The following TBC1D16 variants were observed in gnomAD, a reference collection of about 807,000 sequenced individuals.
TBC1D16 encodes TBC1 domain family member 16.
In TBC1D16, 58 loss-of-function variants were observed where a neutral mutation model predicts 74.7. That is an observed-to-expected ratio of 0.78 (90% CI 0.63 to 0.97). The LOEUF (loss-of-function observed/expected upper bound fraction) is 0.97. Ranked by LOEUF, TBC1D16 falls within the 50% of genes least tolerant of loss-of-function variation. TBC1D16 has a pLI of 0.00. For synonymous variants in TBC1D16, 493 were observed against 474.7 expected, an observed-to-expected ratio of 1.04 and a Z score of -0.50; for missense variants, 1,014 against 1,079.5, an observed-to-expected ratio of 0.94 and a Z score of 0.85.
Position 79,947,845 on chromosome 17 carries a change from G to C in TBC1D16, c.1542-14C>G, listed in dbSNP as rs746141119. 1 of 1,610,464 alleles carries C rather than the reference G, an allele frequency of 6.2e-7. No homozygotes were observed. Among genetic ancestry groups the C allele is most frequent in the South Asian group, 1.1e-5 (1 of 90,924 alleles). On this transcript the variant is annotated splice_polypyrimidine_tract_variant and intron_variant, in intron 8 of 11. Transcript: ENST00000310924. ...AGCAGGATCCTCCTGGGAGGCGGTGGAGACAGCAGTGGGTGGGGATGACCC... is the reference window on the plus strand; with the variant it reads ...AGCAGGATCCTCCTGGGAGGCGGTGCAGACAGCAGTGGGTGGGGATGACCC...
At position 79,947,849 on chromosome 17, in the gene TBC1D16, C is replaced by T. The variant is rs780210932; in HGVS notation, c.1542-18G>A. The stretch of plus-strand genomic sequence containing the variant: ...GGATCCTCCTGGGAGGCGGTGGAGA[C>T]AGCAGTGGGTGGGGATGACCCTCAC... On this transcript the variant is annotated intron_variant, in intron 8 of 11. Coordinates refer to ENST00000310924, the MANE Select transcript of TBC1D16 (RefSeq NM_019020.4). The T allele has an allele frequency of 6.8e-6, 11 of 1,608,884 alleles. No individual in the cohort carries two copies. The highest frequency in any genetic ancestry group is 1.7e-5 in the Admixed American group (1 of 59,860).
Position 80,001,879 on chromosome 17 carries a change from G to A in TBC1D16, c.779+8281C>T, listed in dbSNP as rs2035500370. 6.7e-6 allele frequency among the ~76,000 whole-genome samples: 1 copy of A among 150,282 alleles called. No homozygotes were observed. The highest frequency in any genetic ancestry group is 1.5e-5 in the Non-Finnish European group (1 of 67,778). On this transcript the variant is annotated intron_variant, in intron 3 of 11. Coordinates refer to ENST00000310924, the MANE Select transcript of TBC1D16 (RefSeq NM_019020.4). This position sits in a 1 kb window ranked among gnomAD's most constrained non-coding sequence, Gnocchi z 5.8. ...CCTCCTGCTCCCTTCCTCATCCCCT[G>A]CTTTGTGTCCCCGTCTCCTGCTCCA... is the stretch of plus-strand genomic sequence containing the variant.
chr17:80,012,429 T>C (rs1343968525), intron 2 of TBC1D16, among the ~76,000 whole-genome samples: 7 of 152,174 alleles, frequency 4.6e-5, no homozygotes, highest in Non-Finnish European at 8.8e-5. Context: ...GCTATAAAGA[T>C]ACACTTATCA....
In TBC1D16 at chr17:79,950,460, T is replaced by G. The variant is rs1203801090; in HGVS notation, c.1208A>C (p.Asn403Thr). ...CACCTGGCCCAGCTCATTCAGGTGG[T>G]TGAGCCAGGCGGAGACGCCGAGCCT... ...YKRLGVSAWL[N>T]HLNELGQVEE... is the part of the protein sequence containing the mutation. Residue 403 changes from asparagine to threonine, a missense_variant, in exon 6 of 12, where the codon AAC becomes ACC. Physicochemically the swap from Asn to Thr is moderately conservative, Grantham distance 65 (BLOSUM62 0). Transcript: ENST00000310924. The surrounding 1 kb of genome is among the most constrained non-coding windows in gnomAD (Gnocchi z 4.6). 5.6e-6 allele frequency: 9 copies of G among 1,612,984 alleles called. No individual in the cohort carries two copies. Among genetic ancestry groups the G allele is most frequent in the Non-Finnish European group, 7.6e-6 (9 of 1,179,882 alleles).
Position 79,956,052 on chromosome 17 carries a change from C to G in TBC1D16, c.780-3234G>C, listed in dbSNP as rs997191744. Among the ~76,000 whole-genome samples the G allele has an allele frequency of 6.6e-6, 1 of 152,144 alleles. No individual in the cohort carries two copies. The highest frequency in any genetic ancestry group is 2.4e-5 in the African/African-American group (1 of 41,410). On this transcript the variant is annotated intron_variant, in intron 3 of 11. Coordinates refer to ENST00000310924, the MANE Select transcript of TBC1D16 (RefSeq NM_019020.4). This position sits in a 1 kb window ranked among gnomAD's most constrained non-coding sequence, Gnocchi z 4.0. ...GCACAGTGCAGGCAAGACAGACAGA[C>G]GAGAGCTCATGAGAGAGACACGCAA...
At position 79,947,809 on chromosome 17, in the gene TBC1D16, C is replaced by G; in HGVS notation, c.1564G>C (p.Val522Leu). ...GAATAGCCGACGGCAGGGTTGTACACGGCGTAGTTCAGCAGGATCCTCCTG... is the reference window on the plus strand; with the variant it reads ...GAATAGCCGACGGCAGGGTTGTACAGGGCGTAGTTCAGCAGGATCCTCCTG... ...SMRRILLNYA[V>L]YNPAVGYSQG... Residue 522 changes from valine to leucine, a missense_variant, in exon 9 of 12, where the codon GTG becomes CTG. Transcript: ENST00000310924. 6.2e-7 allele frequency: 1 copy of G among 1,613,522 alleles called. No homozygotes were observed. Among genetic ancestry groups the G allele is most frequent in the Non-Finnish European group, 8.5e-7 (1 of 1,179,986 alleles).
intron 3 of TBC1D16, among the ~76,000 whole-genome samples, chr17:80,003,743 G>A (rs2035577365): frequency 6.6e-6 from 1 of 152,152 alleles, no homozygotes. Flanking sequence ...CTGACCACAG[G>A]CGCTATCCAC....
rs567157343 is a variant in TBC1D16 at position 79,983,228 on chromosome 17, T to C, written c.779+26932A>G. Reference sequence around the variant, plus strand: ...GACGTGGCAGCGCGGGAGGGGTTTATGGCAGGGCATGAATTGAGAATGGCA... The same window carrying C: ...GACGTGGCAGCGCGGGAGGGGTTTACGGCAGGGCATGAATTGAGAATGGCA... On this transcript the variant is annotated intron_variant, in intron 3 of 11. Coordinates refer to ENST00000310924, the MANE Select transcript of TBC1D16 (RefSeq NM_019020.4). This position sits in a 1 kb window ranked among gnomAD's most constrained non-coding sequence, Gnocchi z 5.6. Among the ~76,000 whole-genome samples, 1 of 152,344 alleles carries C rather than the reference T, an allele frequency of 6.6e-6. No homozygotes were observed. The highest frequency in any genetic ancestry group is 6.5e-5 in the Admixed American group (1 of 15,306).
chr17:79,970,881 C>T (rs1370292202), intron 3 of TBC1D16, among the ~76,000 whole-genome samples: 2 of 34,154 alleles, frequency 5.9e-5, no homozygotes, highest in Non-Finnish European at 1.1e-4. Flanking sequence ...AGAGTCAGCC[C>T]GGTGCAAAAA....
At chr17:79,960,585 G>A (rs767525728) in intron 3 of TBC1D16, among the ~76,000 whole-genome samples, 21 of 151,590 alleles carry the variant, frequency 1.4e-4, no homozygotes, top group Non-Finnish European at 2.2e-4. Flanking sequence ...GCGAAATCCC[G>A]TTTCTGCTAA....
intron 9 of TBC1D16, 44 bp from the exon 10 acceptor site, chr17:79,945,131 C>G: frequency 5.3e-6 from 8 of 1,508,768 alleles, no homozygotes; most frequent in Non-Finnish European, 7.1e-6. Flanking sequence ...CGGTCCCATG[C>G]GGCCTGCTGC....
At chr17:79,978,131 T>TGC (rs2034416904) in intron 3 of TBC1D16, among the ~76,000 whole-genome samples, 1 of 152,048 alleles carries the variant, frequency 6.6e-6, no homozygotes, top group Non-Finnish European at 1.5e-5. Flanking sequence ...ACATCCCGCA[T>TGC]GCACCGAGAC....
intron 3 of TBC1D16, among the ~76,000 whole-genome samples, chr17:79,955,845 C>A (rs1455016657): frequency 6.6e-6 from 1 of 152,164 alleles, no homozygotes; most frequent in African/African-American, 2.4e-5. Context: ...GTAAACTATG[C>A]CATGTCAGAT....
At chr17:80,014,583 A>G (rs1228756542) in intron 1 of TBC1D16, among the ~76,000 whole-genome samples, 3 of 152,094 alleles carry the variant, frequency 2.0e-5, no homozygotes, top group Non-Finnish European at 2.9e-5. Context: ...AAGTCAAAAA[A>G]TACTGAGGAT....
At chr17:80,031,697 A>T (rs575973568) in intron 1 of TBC1D16, among the ~76,000 whole-genome samples, 188 of 152,306 alleles carry the variant, frequency 1.2e-3, no homozygotes, top group African/African-American at 4.3e-3. Flanking sequence ...CAAAGAGCCA[A>T]GGAGGTCAGG....
intron 8 of TBC1D16, 129 bp downstream of exon 8, chr17:79,948,743 G>A: frequency 1.6e-6 from 2 of 1,244,660 alleles, no homozygotes; most frequent in Non-Finnish European, 2.3e-6. Context: ...TTCACTTCTG[G>A]GGCTTTGATG....
rs756796327 is a variant in TBC1D16, at chr17:80,009,543, C to T, written c.779+617G>A. 3.9e-5 allele frequency among the ~76,000 whole-genome samples: 6 copies of T among 152,230 alleles called. No individual in the cohort carries two copies. Among genetic ancestry groups the T allele is most frequent in the Non-Finnish European group, 5.9e-5 (4 of 68,038 alleles). On this transcript the variant is annotated intron_variant, in intron 3 of 11. Transcript: ENST00000310924. This position sits in a 1 kb window ranked among gnomAD's most constrained non-coding sequence, Gnocchi z 5.4. ...GGAGTCCAGATACTCTGGCTGGACT[C>T]CCCAGGGTGCATAGCGGCTGCCAAG...
intron 1 of TBC1D16, among the ~76,000 whole-genome samples, chr17:80,015,777 G>A (rs773787821): frequency 3.9e-5 from 6 of 152,066 alleles, no homozygotes; most frequent in Non-Finnish European, 8.8e-5. Flanking sequence ...TTGGGAGGCC[G>A]AGATGGGCGG....
chr17:79,978,431 T>A (rs1389345911), intron 3 of TBC1D16, among the ~76,000 whole-genome samples: 2 of 152,036 alleles, frequency 1.3e-5, no homozygotes, highest in East Asian at 3.9e-4. Context: ...CGGCCTTTCT[T>A]CTGTTCCTTT....
Sources: allele counts gnomAD v4.1 joint callset (sites outside exome capture counted in the v4.1 genomes callset), GRCh38; gene constraint gnomAD v4.1.1; non-coding constraint Gnocchi (gnomAD v3.1); transcripts MANE v1.5; gene names NCBI Gene and HGNC (gene_info 2026-07-23, HGNC 2026-07-21).